The following ZNF346 variants were observed in gnomAD, a reference collection of about 807,000 sequenced individuals.
The protein encoded by ZNF346 is double-stranded RNA-binding zinc finger protein JAZ.
ZNF346 carries 23 observed loss-of-function variants against 33.7 expected under a neutral mutation model. That is an observed-to-expected ratio of 0.68 (90% CI 0.49 to 0.97). The LOEUF is 0.97. ZNF346 is among the 50% of genes least tolerant of loss of function. The probability of loss-of-function intolerance (pLI) is 0.00; values close to 1 mark genes in which losing one functional copy is unlikely to be tolerated. For synonymous variants in ZNF346, 134 were observed against 142.4 expected, an observed-to-expected ratio of 0.94 and a Z score of 0.42; for missense variants, 340 against 371.1, an observed-to-expected ratio of 0.92 and a Z score of 0.69.
intron 1 of ZNF346, among the ~76,000 whole-genome samples, chr5:177,023,770 G>T (rs1257202771): frequency 3.3e-5 from 5 of 152,088 alleles, no homozygotes; most frequent in African/African-American, 1.2e-4. Flanking sequence ...TGCTAACCTT[G>T]TCAGGTATCT....
rs1783150533 is a variant in ZNF346, at chr5:177,066,212, GAAGGTCTTTA to G, written c.*1618_*1627del. 6.6e-6 allele frequency among the ~76,000 whole-genome samples: 1 copy of G among 151,086 alleles called. No individual in the cohort carries two copies. ...CTTCTCCTGTCACATAGGGCCTCAT[GAAGGTCTTTA>G]AAGGGTTTAAGCTGGGGATCTGCTT... On this transcript the variant is annotated 3_prime_UTR_variant, in exon 7 of 7. Coordinates refer to ENST00000358149, the MANE Select transcript of ZNF346 (RefSeq NM_012279.4).
chr5:177,060,877 G>A (rs899224584), intron 5 of ZNF346, among the ~76,000 whole-genome samples: 1 of 151,206 alleles, frequency 6.6e-6, no homozygotes, highest in Non-Finnish European at 1.5e-5. Flanking sequence ...TTGGGAGGCC[G>A]AGGCGGGTGG....
At chr5:177,051,911 C>T (rs956687537) in intron 5 of ZNF346, 3 of 152,106 alleles carry the variant, frequency 2.0e-5, no homozygotes, top group African/African-American at 7.2e-5. Context: ...ATGCTGTAAT[C>T]CAAACACTTT....
At chr5:177,059,882 GCAAA>G (rs1424377759) in intron 5 of ZNF346, among the ~76,000 whole-genome samples, 1 of 152,184 alleles carries the variant, frequency 6.6e-6, no homozygotes, top group African/African-American at 2.4e-5. Flanking sequence ...CAGGCATTGA[GCAAA>G]CAGTTACAAC....
intron 1 of ZNF346, among the ~76,000 whole-genome samples, chr5:177,027,059 C>A (rs1776888116): frequency 6.6e-6 from 1 of 151,990 alleles, no homozygotes; most frequent in Admixed American, 6.6e-5. Context: ...TAAAAGTTAT[C>A]TTCTTTTTTT....
At chr5:177,050,994 C>A in intron 5 of ZNF346, 58 bp downstream of exon 5, 3 of 1,379,858 alleles carry the variant, frequency 2.2e-6, no homozygotes, top group South Asian at 2.3e-5. Flanking sequence ...TGGGGCTACC[C>A]GGACCAGCTG....
At chr5:177,046,839 T>C (rs536125326) in intron 4 of ZNF346, among the ~76,000 whole-genome samples, 1 of 152,118 alleles carries the variant, frequency 6.6e-6, no homozygotes, top group Non-Finnish European at 1.5e-5. Flanking sequence ...TTCATGTTTT[T>C]ATAAAAACAA....
intron 8 of ZNF346, among the ~76,000 whole-genome samples, chr5:177,078,319 C>G (rs1052064754): frequency 6.6e-6 from 1 of 152,200 alleles, no homozygotes; most frequent in Non-Finnish European, 1.5e-5. Flanking sequence ...GTCAGCCAGT[C>G]AGGCACATTC....
At chr5:177,037,277 T>C (rs1180783015) in intron 1 of ZNF346, among the ~76,000 whole-genome samples, 6 of 152,140 alleles carry the variant, frequency 3.9e-5, no homozygotes, top group South Asian at 2.1e-4. Flanking sequence ...CCTCTTTCCT[T>C]CTTCATCTAC....
intron 8 of ZNF346, among the ~76,000 whole-genome samples, chr5:177,074,993 G>A (rs551792152): frequency 6.6e-6 from 1 of 151,948 alleles, no homozygotes; most frequent in Non-Finnish European, 1.5e-5. Flanking sequence ...ATGAACCCAG[G>A]AGGCGAAGCT....
At chr5:177,028,493 G>GTT (rs199723041) in intron 1 of ZNF346, among the ~76,000 whole-genome samples, 2 of 50,600 alleles carry the variant, frequency 4.0e-5, no homozygotes, top group Non-Finnish European at 8.9e-5. Flanking sequence ...CACTTGTGAC[G>GTT]TTTTATATAT....
chr5:177,050,985 G>T (rs776486159), intron 5 of ZNF346, 49 bp downstream of exon 5: 1 of 1,458,472 alleles, frequency 6.9e-7, no homozygotes, highest in South Asian at 1.1e-5. Context: ...TTTGGCCACT[G>T]GGGCTACCCG....
At chr5:177,023,307 C>T in intron 1 of ZNF346, 1 of 1,057,322 alleles carries the variant, frequency 9.5e-7, no homozygotes, top group East Asian at 2.6e-5. Flanking sequence ...CCTCCTAGGG[C>T]CTCTCGCCTC....
At chr5:177,061,994 A>G (rs1782608062) in intron 5 of ZNF346, 64 bp from the exon 6 acceptor site, 4 of 1,453,174 alleles carry the variant, frequency 2.8e-6, no homozygotes, top group Non-Finnish European at 2.9e-6. Context: ...TACACTCTGA[A>G]AAGCAACGGT....
At position 177,041,875 on chromosome 5, in the gene ZNF346, T is replaced by C; in HGVS notation, c.372+5T>C. ...AAGAAGCTAGACTCAGATCAGGTAA[T>C]ACAGCTGCCATATTGAGCCCACTTG... On this transcript the variant is annotated splice_donor_5th_base_variant and intron_variant, in intron 3 of 6. Coordinates refer to ENST00000358149, the MANE Select transcript of ZNF346 (RefSeq NM_012279.4). The C allele has an allele frequency of 1.3e-6, 2 of 1,599,572 alleles. No homozygotes were observed. The highest frequency in any genetic ancestry group is 1.3e-5 in the African/African-American group (1 of 74,614).
At chr5:177,053,921 G>A (rs1182686923) in intron 5 of ZNF346, among the ~76,000 whole-genome samples, 1 of 152,094 alleles carries the variant, frequency 6.6e-6, no homozygotes, top group Non-Finnish European at 1.5e-5. Context: ...GAACCAACAT[G>A]GCTAAGGCAC....
chr5:177,024,157 T>TAC (rs144403449), intron 1 of ZNF346, among the ~76,000 whole-genome samples: 98,862 of 121,206 alleles, frequency 0.82, 40,692 homozygotes, highest in East Asian at 0.95. Context: ...ATTTTATGTA[T>TAC]ACACACACAC....
rs1034001441 is a variant in ZNF346 at position 177,064,904 on chromosome 5, G to A, written c.*305G>A. 4 of 337,766 alleles carry A rather than the reference G, an allele frequency of 1.2e-5. No homozygotes were observed. The highest frequency in any genetic ancestry group is 4.2e-5 in the African/African-American group (2 of 48,078). The allele number at this position is 337,766 out of a possible 1,614,324, so 20.9% of individuals were successfully genotyped here. A position where few individuals can be genotyped will look rare whatever the true frequency, so the allele number is the denominator to read the frequency against. ...ACCCCTCTGGGCCTTAGGTGCTGAG[G>A]CCCCTGCCACCTGTCTTTCCTCTAA... is the stretch of plus-strand genomic sequence containing the variant. On this transcript the variant is annotated 3_prime_UTR_variant, in exon 7 of 7. Coordinates refer to ENST00000358149, the MANE Select transcript of ZNF346 (RefSeq NM_012279.4).
At chr5:177,038,080 A>AT (rs1374251869) in intron 1 of ZNF346, among the ~76,000 whole-genome samples, 7,905 of 139,678 alleles carry the variant, frequency 0.057, 284 homozygotes, top group South Asian at 0.21. Context: ...CCCCATGATG[A>AT]TTTTTTTTTT....
Sources: allele counts gnomAD v4.1 joint callset (sites outside exome capture counted in the v4.1 genomes callset), GRCh38; gene constraint gnomAD v4.1.1; transcripts MANE v1.5; gene names NCBI Gene and HGNC (gene_info 2026-07-23, HGNC 2026-07-21).